Variants in ADGRL2 observed in about 807,000 individuals in gnomAD.
ADGRL2 encodes the protein calcium-independent alpha-latrotoxin receptor 2.
In ADGRL2, 44 loss-of-function variants were observed where a neutral mutation model predicts 157.4. The ratio of observed to expected loss-of-function variants is 0.28; its 90% confidence interval spans 0.22 to 0.36. ADGRL2 has a LOEUF of 0.36. Ranked by LOEUF, ADGRL2 falls within the 10% of genes least tolerant of loss-of-function variation. ADGRL2 has a pLI of 1.00. For synonymous variants in ADGRL2, 585 were observed against 624.7 expected, an observed-to-expected ratio of 0.94 and a Z score of 0.95; for missense variants, 1,510 against 1,768.9, an observed-to-expected ratio of 0.85 and a Z score of 2.63.
intron 2 of ADGRL2, among the ~76,000 whole-genome samples, chr1:81,556,226 C>T (rs954375689): frequency 6.6e-6 from 1 of 151,184 alleles, no homozygotes; most frequent in Non-Finnish European, 1.5e-5. Context: ...AGCGAATTTA[C>T]ATATTTTTCT....
At chr1:81,491,854 A>C (rs2078640066) in intron 2 of ADGRL2, among the ~76,000 whole-genome samples, 1 of 152,178 alleles carries the variant, frequency 6.6e-6, no homozygotes, top group African/African-American at 2.4e-5. Context: ...TGCATTATTC[A>C]GCTCTCCTTG....
intron 2 of ADGRL2, chr1:81,513,839 C>G (rs2079123619): frequency 6.6e-6 from 1 of 152,130 alleles, no homozygotes; most frequent in South Asian, 2.1e-4. Context: ...CTTTGAAGGA[C>G]AGCTCTATAG....
intron 2 of ADGRL2, chr1:81,502,181 G>T: frequency 6.3e-7 from 1 of 1,593,614 alleles, no homozygotes; most frequent in Non-Finnish European, 8.5e-7. Flanking sequence ...AGATCCCAGA[G>T]TGGCACCCAT....
chr1:81,503,373 C>A (rs550860212), intron 2 of ADGRL2: 1 of 1,613,796 alleles, frequency 6.2e-7, no homozygotes, highest in Non-Finnish European at 8.5e-7. Context: ...GCCTCGGCAG[C>A]AGCGCCAGCA....
At chr1:81,412,919 T>C (rs2101448346) in intron 1 of ADGRL2, among the ~76,000 whole-genome samples, 1 of 152,330 alleles carries the variant, frequency 6.6e-6, no homozygotes, top group Admixed American at 6.5e-5. Flanking sequence ...TTCTACCTTA[T>C]CTTTAATTAC....
intron 3 of ADGRL2, among the ~76,000 whole-genome samples, chr1:81,931,932 G>T (rs531916898): frequency 6.6e-6 from 1 of 152,026 alleles, no homozygotes; most frequent in African/African-American, 2.4e-5. Context: ...GAGCAATAGC[G>T]CCTGACCCCG....
At chr1:81,984,142 A>T (rs1417479479) in intron 19 of ADGRL2, among the ~76,000 whole-genome samples, 2 of 152,078 alleles carry the variant, frequency 1.3e-5, no homozygotes, top group African/African-American at 4.8e-5. Flanking sequence ...TGACCTACCT[A>T]AGAGGACATG....
chr1:81,842,793 C>G (rs1160765255), intron 2 of ADGRL2, among the ~76,000 whole-genome samples: 1 of 152,268 alleles, frequency 6.6e-6, no homozygotes, highest in Middle Eastern at 3.4e-3. Context: ...CAATTTGTCT[C>G]TTTCACTCTA....
chr1:81,449,580 A>C (rs770774911), intron 2 of ADGRL2, among the ~76,000 whole-genome samples: 7 of 152,102 alleles, frequency 4.6e-5, no homozygotes, highest in Admixed American at 2.6e-4. Flanking sequence ...CAACAGTTGA[A>C]TTATGGCCTT....
At chr1:81,728,470 G>C (rs1332092013) in intron 1 of ADGRL2, among the ~76,000 whole-genome samples, 2 of 152,184 alleles carry the variant, frequency 1.3e-5, no homozygotes, top group Non-Finnish European at 2.9e-5. Context: ...AGATAACTGT[G>C]ATGACCCTGC....
chr1:81,674,095 T>G (rs2082934022), intron 3 of ADGRL2, among the ~76,000 whole-genome samples: 1 of 152,200 alleles, frequency 6.6e-6, no homozygotes, highest in African/African-American at 2.4e-5. Flanking sequence ...TTAAAATATG[T>G]TATATCTAAT....
chr1:81,583,202 A>G (rs1293786568), intron 3 of ADGRL2, among the ~76,000 whole-genome samples: 6 of 152,296 alleles, frequency 3.9e-5, no homozygotes, highest in Admixed American at 3.3e-4. Flanking sequence ...AAAACCAAAG[A>G]GAATTTGGTT....
rs1381399839 is a variant in ADGRL2, at chr1:81,980,081, T to C, written c.3113+121T>C. On this transcript the variant is annotated intron_variant, in intron 18 of 23. Coordinates refer to ENST00000686636, the MANE Select transcript of ADGRL2 (RefSeq NM_001366006.2). The stretch of plus-strand genomic sequence containing the variant: ...GAAATTATTCAGAATGAAGTTTTAC[T>C]GCCCTCAAGTTGAATCTCAGTGTTA... The C allele has an allele frequency of 4.9e-5, 30 of 609,676 alleles. No homozygotes were observed. In the East Asian group the frequency reaches 8.3e-4, roughly 17 times the overall value. The allele number at this position is 609,676 out of a possible 1,614,324, so 37.8% of individuals were successfully genotyped here. A position where few individuals can be genotyped will look rare whatever the true frequency, so the allele number is the denominator to read the frequency against.
chr1:81,650,640 G>A (rs563270874), intron 3 of ADGRL2, among the ~76,000 whole-genome samples: 2 of 151,708 alleles, frequency 1.3e-5, no homozygotes, highest in South Asian at 4.2e-4. Context: ...AGTTTTAAAT[G>A]TGACGATCAA....
chr1:81,786,140 C>T (rs955400772), intron 2 of ADGRL2, among the ~76,000 whole-genome samples: 4 of 151,714 alleles, frequency 2.6e-5, no homozygotes, highest in African/African-American at 9.7e-5. Context: ...GAGTTATATT[C>T]CATAGGAAAA....
intron 1 of ADGRL2, among the ~76,000 whole-genome samples, chr1:81,748,082 A>G (rs2085359967): frequency 6.6e-6 from 1 of 152,176 alleles, no homozygotes; most frequent in Admixed American, 6.5e-5. Context: ...TTACTTTTCT[A>G]TTCTTTTAAC....
intron 1 of ADGRL2, among the ~76,000 whole-genome samples, chr1:81,714,229 A>C (rs920986324): frequency 2.0e-5 from 3 of 152,310 alleles, no homozygotes; most frequent in Admixed American, 6.5e-5. Context: ...TACCTATATA[A>C]GTTATCATTT....
At chr1:81,903,790 A>T (rs1367717543) in intron 2 of ADGRL2, among the ~76,000 whole-genome samples, 7 of 140,496 alleles carry the variant, frequency 5.0e-5, no homozygotes, top group East Asian at 2.1e-4. Context: ...TATACACATT[A>T]TATATATATA....
intron 3 of ADGRL2, among the ~76,000 whole-genome samples, chr1:81,631,090 A>G (rs1168620365): frequency 6.6e-6 from 1 of 152,190 alleles, no homozygotes; most frequent in Admixed American, 6.5e-5. Context: ...GAGTGCATCA[A>G]AAATTTCTAC....
Sources: gnomAD v4.1 joint callset for allele counts (sites outside exome capture counted in the v4.1 genomes callset) on GRCh38, gnomAD v4.1.1 for gene constraint, MANE v1.5 for transcripts, NCBI Gene and HGNC (gene_info 2026-07-23, HGNC 2026-07-21) for gene names.